The following CMTM6 variants were observed in gnomAD, a reference collection of about 807,000 sequenced individuals.
CMTM6 encodes CKLF like MARVEL transmembrane domain containing 6, also known as CKLF-like MARVEL transmembrane domain-containing protein 6.
A neutral mutation model predicts 13.6 loss-of-function variants in CMTM6; 5 were observed. The observed-to-expected ratio is 0.37, with a 90% CI of 0.19 to 0.77. CMTM6 has a LOEUF of 0.77. Among genes scored for constraint, CMTM6 ranks in the 30% least tolerant of loss-of-function variants. The pLI, the probability that CMTM6 is intolerant of heterozygous loss-of-function variation, is 0.50. For synonymous variants in CMTM6, 99 were observed against 84.5 expected (o/e 1.17, Z -0.94); for missense variants, 196 against 218.6 (o/e 0.90, Z 0.65).
intron 1 of CMTM6, among the ~76,000 whole-genome samples, chr3:32,499,967 T>C (rs1168626881): frequency 1.3e-5 from 2 of 152,020 alleles, no homozygotes. Flanking sequence ...CTCCGAAGAC[T>C]CTAATGTAAG....
Position 32,483,593 on chromosome 3 carries a change from T to A in CMTM6, c.*367A>T, listed in dbSNP as rs756238861. ...TCTAAGTAGATGAATATAATCACGA[T>A]GTTTATACAGCTATAAAGCATAATT... On this transcript the variant is annotated 3_prime_UTR_variant, in exon 4 of 4. Coordinates refer to ENST00000205636, the MANE Select transcript of CMTM6 (RefSeq NM_017801.3). The A allele has an allele frequency of 6.3e-6, 1 of 157,958 alleles. No homozygotes were observed. Among genetic ancestry groups the A allele is most frequent in the African/African-American group, 2.4e-5 (1 of 41,732 alleles). The allele number at this position is 157,958 out of a possible 1,614,324, so 9.8% of individuals were successfully genotyped here.
rs149840154 is a variant in CMTM6, at chr3:32,491,776, G to C, written c.249C>G (p.Leu83=). 6.2e-7 allele frequency: 1 copy of C among 1,613,912 alleles called. No individual in the cohort carries two copies. The highest frequency in any genetic ancestry group is 8.5e-7 in the Non-Finnish European group (1 of 1,179,926). ...GAGTGCAATACACAATCAGTATAAG[G>C]AGACTCAGAAGAAAGGCACTGCAGC... ...FVSCSAFLLS[L]LILIVYCTPF... Residue 83 remains leucine (L), a synonymous_variant, in exon 2 of 4, where the codon CTC becomes CTG. Coordinates refer to ENST00000205636, the MANE Select transcript of CMTM6 (RefSeq NM_017801.3).
At chr3:32,496,528 A>G (rs1697293358) in intron 1 of CMTM6, among the ~76,000 whole-genome samples, 1 of 152,250 alleles carries the variant, frequency 6.6e-6, no homozygotes, top group South Asian at 2.1e-4. Flanking sequence ...TTGAACTAGC[A>G]ACACTCCAAC....
chr3:32,485,521 T>C (rs893710999), intron 3 of CMTM6, among the ~76,000 whole-genome samples: 8 of 152,198 alleles, frequency 5.3e-5, no homozygotes, highest in African/African-American at 1.9e-4. Flanking sequence ...GCCAGAGCTT[T>C]TTAAAATTAA....
At position 32,498,811 on chromosome 3, in the gene CMTM6, C is replaced by T. The variant is rs1464474011; in HGVS notation, c.138+3797G>A. The stretch of plus-strand genomic sequence containing the variant: ...GCCAGGATGGTCTCTATCTCCTGAC[C>T]TTGTGATCCGCTCACCTCGGCCTCC... On this transcript the variant is annotated intron_variant, in intron 1 of 3. Coordinates refer to ENST00000205636, the MANE Select transcript of CMTM6 (RefSeq NM_017801.3). Among the ~76,000 whole-genome samples, 3 of 151,744 alleles carry T rather than the reference C, an allele frequency of 2.0e-5. No individual in the cohort carries two copies. In the East Asian group the frequency reaches 5.8e-4, roughly 29 times the overall value.
chr3:32,500,986 AG>A (rs1189359168), intron 1 of CMTM6, among the ~76,000 whole-genome samples: 2 of 151,386 alleles, frequency 1.3e-5, no homozygotes, highest in African/African-American at 4.9e-5. Context: ...ACCTGAAGTC[AG>A]GAGTTTGAGA....
Position 32,491,768 on chromosome 3 carries a change from A to T in CMTM6, c.257T>A (p.Leu86Gln). Residue 86 changes from leucine (L) to glutamine (Q), a missense_variant, in exon 2 of 4, where the codon CTG becomes CAG. Physicochemically the swap from Leu to Gln is moderately radical, Grantham distance 113. This residue lies in a region of CMTM6 where 111 missense variants were observed against 160.0 expected (regional missense o/e 0.69). Transcript: ENST00000205636. The stretch of plus-strand genomic sequence containing the variant: ...ATAAAATGGAGTGCAATACACAATC[A>T]GTATAAGGAGACTCAGAAGAAAGGC... ...CSAFLLSLLI[L>Q]IVYCTPFYER... is the part of the protein sequence containing the mutation. 3.7e-6 allele frequency: 6 copies of T among 1,611,650 alleles called. No individual in the cohort carries two copies. Among genetic ancestry groups the T allele is most frequent in the Non-Finnish European group, 5.1e-6 (6 of 1,178,938 alleles).
Position 32,502,589 on chromosome 3 carries a change from T to TC in CMTM6, c.138+18dup. The TC allele has an allele frequency of 6.3e-7, 1 of 1,585,658 alleles. No homozygotes were observed. The highest frequency in any genetic ancestry group is 8.6e-7 in the Non-Finnish European group (1 of 1,168,664). On this transcript the variant is annotated intron_variant, in intron 1 of 3. Transcript: ENST00000205636. ...CCCGCTCCCCAGCCCGGGCTCGCCCTCCCTGACCGCGGACTCACCAGCTGC... is the reference window on the plus strand; with the variant it reads ...CCCGCTCCCCAGCCCGGGCTCGCCCTCCCCTGACCGCGGACTCACCAGCTGC...
intron 3 of CMTM6, 102 bp downstream of exon 3, chr3:32,487,835 AG>A (rs1697218492): frequency 1.4e-6 from 1 of 715,532 alleles, no homozygotes; most frequent in Middle Eastern, 3.6e-4. Flanking sequence ...GTAAGTTATA[AG>A]AAAAACAACT....
intron 3 of CMTM6, among the ~76,000 whole-genome samples, chr3:32,485,238 AAAAG>A (rs1392245890): frequency 7.2e-5 from 11 of 151,934 alleles, no homozygotes; most frequent in African/African-American, 2.7e-4. Flanking sequence ...TAAAAAAAAA[AAAAG>A]AACTTCCTCA....
rs980666172 is a variant in CMTM6 at position 32,481,841 on chromosome 3, C to A, written c.*2119G>T. 6.6e-6 allele frequency: 1 copy of A among 152,212 alleles called. No homozygotes were observed. Among genetic ancestry groups the A allele is most frequent in the African/African-American group, 2.4e-5 (1 of 41,444 alleles). The allele number at this position is 152,212 out of a possible 1,614,324, so 9.4% of individuals were successfully genotyped here. ...GAATTAAGTGACCAACTAAGAGATC[C>A]ACTTTTGCACCAATGAAACACATGG... On this transcript the variant is annotated 3_prime_UTR_variant, in exon 4 of 4. Transcript: ENST00000205636.
intron 3 of CMTM6, among the ~76,000 whole-genome samples, chr3:32,484,610 A>G (rs573896944): frequency 2.0e-5 from 3 of 152,344 alleles, no homozygotes; most frequent in African/African-American, 7.2e-5. Flanking sequence ...ACACAGTGAC[A>G]TGACGCCACT....
intron 2 of CMTM6, 170 bp from the exon 3 acceptor site, chr3:32,488,206 A>G (rs1354462858): frequency 5.4e-6 from 3 of 551,850 alleles, no homozygotes; most frequent in Non-Finnish European, 9.9e-6. Flanking sequence ...CATTCAATAA[A>G]TACCCTGTAA....
At chr3:32,502,578 C>G (rs112518454) in intron 1 of CMTM6, 30 bp downstream of exon 1, 13 of 1,575,342 alleles carry the variant, frequency 8.3e-6, no homozygotes, top group East Asian at 2.3e-5. Flanking sequence ...CTCCCCAGCC[C>G]GGGCTCGCCC....
chr3:32,500,675 T>G (rs896710272), intron 1 of CMTM6, among the ~76,000 whole-genome samples: 2 of 152,232 alleles, frequency 1.3e-5, no homozygotes, highest in East Asian at 3.8e-4. Flanking sequence ...CACAAAAATT[T>G]CTGGTTGTGT....
In CMTM6 at chr3:32,484,542, T is replaced by C. The variant is rs1365452167; in HGVS notation, c.415-445A>G. 3.3e-5 allele frequency among the ~76,000 whole-genome samples: 5 copies of C among 152,216 alleles called. No individual in the cohort carries two copies. In the East Asian group the frequency reaches 7.7e-4, roughly 23 times the overall value. ...TTAATATCAAAACAGAAATTCCATT[T>C]TGAAGATACTATTAGGTTAAATTAC... On this transcript the variant is annotated intron_variant, in intron 3 of 3. Coordinates refer to ENST00000205636, the MANE Select transcript of CMTM6 (RefSeq NM_017801.3).
intron 1 of CMTM6, 36 bp downstream of exon 1, chr3:32,502,572 C>A (rs1697355234): frequency 7.6e-6 from 12 of 1,570,120 alleles, no homozygotes; most frequent in Non-Finnish European, 1.0e-5. Context: ...ACCCCGCTCC[C>A]CAGCCCGGGC....
At chr3:32,496,114 T>G (rs1697287608) in intron 1 of CMTM6, among the ~76,000 whole-genome samples, 1 of 151,580 alleles carries the variant, frequency 6.6e-6, no homozygotes, top group Non-Finnish European at 1.5e-5. Flanking sequence ...AGCATGAGAA[T>G]TGCTTGAACC....
At position 32,482,424 on chromosome 3, in the gene CMTM6, C is replaced by CTGTT. The variant is rs902034993; in HGVS notation, c.*1532_*1535dup. 2.0e-5 allele frequency: 3 copies of CTGTT among 152,028 alleles called. No homozygotes were observed. The highest frequency in any genetic ancestry group is 7.2e-5 in the African/African-American group (3 of 41,410). The allele number at this position is 152,028 out of a possible 1,614,324, so 9.4% of individuals were successfully genotyped here. ...CTTTATCACTGGAAACATGATTCCA[C>CTGTT]TGTTTCAAATAGGAAACCTACCCTG... On this transcript the variant is annotated 3_prime_UTR_variant, in exon 4 of 4. Transcript: ENST00000205636.
Sources: gnomAD v4.1 joint callset for allele counts (sites outside exome capture counted in the v4.1 genomes callset) on GRCh38, gnomAD v4.1.1 for gene constraint, gnomAD v4.1.1 regional missense constraint, MANE v1.5 for transcripts, NCBI Gene and HGNC (gene_info 2026-07-23, HGNC 2026-07-21) for gene names.